The following FGF12 variants were observed in gnomAD, a reference collection of about 807,000 sequenced individuals.
The protein encoded by FGF12 is fibroblast growth factor 12B.
A neutral mutation model predicts 23.6 loss-of-function variants in FGF12; 14 were observed. That is an observed-to-expected ratio of 0.59 (90% CI 0.39 to 0.93). The LOEUF (loss-of-function observed/expected upper bound fraction) is 0.93. Ranked by LOEUF, FGF12 falls within the 40% of genes least tolerant of loss-of-function variation. The pLI is 0.00. For synonymous variants in FGF12, 62 were observed against 77.3 expected, an observed-to-expected ratio of 0.80 and a Z score of 1.04; for missense variants, 175 against 217.8, an observed-to-expected ratio of 0.80 and a Z score of 1.24.
chr3:192,554,074 C>T (rs1036369358), intron 2 of FGF12, among the ~76,000 whole-genome samples: 24 of 152,322 alleles, frequency 1.6e-4, no homozygotes, highest in African/African-American at 5.8e-4. Context: ...GGACTAGATT[C>T]TGTCTTGCCT....
At chr3:192,158,637 TTCCC>T (rs199984520) in intron 5 of FGF12, among the ~76,000 whole-genome samples, 2 of 8,468 alleles carry the variant, frequency 2.4e-4, no homozygotes, top group African/African-American at 4.6e-4. Context: ...TCTCTGTTTT[TTCCC>T]TCCCTCCCTC....
chr3:192,472,291 C>T (rs1039844516), intron 2 of FGF12, among the ~76,000 whole-genome samples: 3 of 152,180 alleles, frequency 2.0e-5, no homozygotes, highest in Non-Finnish European at 4.4e-5. Context: ...ACTGGGATTA[C>T]AGGCATAAGC....
chr3:192,537,950 C>CTTGTTTTTTTTTTTTTTTT (rs1725267794), intron 2 of FGF12, among the ~76,000 whole-genome samples: 2 of 121,374 alleles, frequency 1.6e-5, no homozygotes, highest in Admixed American at 8.6e-5. Context: ...AGCCTTTAAC[C>CTTGTTTTTTTTTTTTTTTT]TTTTTTTTTT....
chr3:192,331,545 A>G (rs1381779164), intron 4 of FGF12, among the ~76,000 whole-genome samples: 1 of 152,114 alleles, frequency 6.6e-6, no homozygotes, highest in African/African-American at 2.4e-5. Flanking sequence ...ATTCTACAAC[A>G]CAGATGAATG....
intron 2 of FGF12, among the ~76,000 whole-genome samples, chr3:192,616,270 G>T (rs1714751563): frequency 6.6e-6 from 1 of 151,896 alleles, no homozygotes; most frequent in African/African-American, 2.4e-5. Context: ...ATTTTTATTT[G>T]TTTAACTAAA....
intron 2 of FGF12, among the ~76,000 whole-genome samples, chr3:192,400,567 C>G (rs755253013): frequency 6.6e-6 from 1 of 152,212 alleles, no homozygotes; most frequent in Middle Eastern, 3.4e-3. Context: ...TGGGGTTTCA[C>G]CATGTTGGCC....
intron 2 of FGF12, among the ~76,000 whole-genome samples, chr3:192,601,512 C>T (rs551207419): frequency 3.3e-5 from 5 of 151,974 alleles, no homozygotes; most frequent in Non-Finnish European, 7.4e-5. Context: ...TGATCATATA[C>T]ATTACATGTA....
At chr3:192,255,850 T>C (rs1712351697) in intron 4 of FGF12, among the ~76,000 whole-genome samples, 1 of 152,010 alleles carries the variant, frequency 6.6e-6, no homozygotes, top group South Asian at 2.1e-4. Flanking sequence ...CCAGTAGCCA[T>C]TAATGTCTTT....
intron 4 of FGF12, among the ~76,000 whole-genome samples, chr3:192,328,282 T>C (rs1168645638): frequency 1.3e-5 from 2 of 152,218 alleles, no homozygotes; most frequent in Non-Finnish European, 2.9e-5. Flanking sequence ...AATAACACTA[T>C]GATTTAGGGT....
At chr3:192,708,357 T>C (rs1718551923) in intron 2 of FGF12, among the ~76,000 whole-genome samples, 2 of 152,210 alleles carry the variant, frequency 1.3e-5, no homozygotes, top group South Asian at 2.1e-4. Flanking sequence ...GTGTGTTACA[T>C]GTACATCATC....
intron 2 of FGF12, among the ~76,000 whole-genome samples, chr3:192,682,205 G>A (rs1717553731): frequency 6.6e-6 from 1 of 152,126 alleles, no homozygotes; most frequent in Non-Finnish European, 1.5e-5. Flanking sequence ...CCATATGGCA[G>A]CCCTGGTACA....
At chr3:192,232,619 G>T (rs1719082143) in intron 4 of FGF12, among the ~76,000 whole-genome samples, 1 of 151,832 alleles carries the variant, frequency 6.6e-6, no homozygotes, top group Admixed American at 6.6e-5. Context: ...GCACATCACT[G>T]GGGTTTGGTG....
chr3:192,612,291 T>G (rs1243741669), intron 2 of FGF12, among the ~76,000 whole-genome samples: 4 of 152,008 alleles, frequency 2.6e-5, no homozygotes, highest in Non-Finnish European at 5.9e-5. Context: ...TTTTTGCACT[T>G]CTTAATTGAC....
intron 4 of FGF12, among the ~76,000 whole-genome samples, chr3:192,173,982 C>G (rs1211577250): frequency 2.0e-5 from 3 of 152,192 alleles, no homozygotes; most frequent in Non-Finnish European, 4.4e-5. Context: ...AAGCTAGCGG[C>G]AGATCCAGAC....
At chr3:192,322,790 T>A (rs1332756202) in intron 4 of FGF12, among the ~76,000 whole-genome samples, 3 of 152,030 alleles carry the variant, frequency 2.0e-5, no homozygotes, top group Admixed American at 2.0e-4. Flanking sequence ...AAACTGGATA[T>A]CCACATGCAG....
chr3:192,266,514 ACTGT>A (rs1271421279), intron 4 of FGF12, among the ~76,000 whole-genome samples: 1 of 152,070 alleles, frequency 6.6e-6, no homozygotes, highest in Non-Finnish European at 1.5e-5. Context: ...CAAATATTAG[ACTGT>A]CTAATTTATA....
At chr3:192,187,448 T>C (rs1716535167) in intron 4 of FGF12, among the ~76,000 whole-genome samples, 2 of 152,190 alleles carry the variant, frequency 1.3e-5, no homozygotes, top group Non-Finnish European at 2.9e-5. Flanking sequence ...TAATGTGAAG[T>C]TGACCAAACA....
intron 2 of FGF12, among the ~76,000 whole-genome samples, chr3:192,598,426 T>C (rs1713958172): frequency 6.6e-6 from 1 of 152,176 alleles, no homozygotes; most frequent in African/African-American, 2.4e-5. Flanking sequence ...GTATTAGTGC[T>C]AGCAAGTGTG....
intron 2 of FGF12, among the ~76,000 whole-genome samples, chr3:192,400,889 C>T (rs1348751327): frequency 6.6e-6 from 1 of 152,142 alleles, no homozygotes; most frequent in African/African-American, 2.4e-5. Context: ...ATATCCATGG[C>T]CATCAACTTC....
Sources: gnomAD v4.1 joint callset for allele counts (sites outside exome capture counted in the v4.1 genomes callset) on GRCh38, gnomAD v4.1.1 for gene constraint, MANE v1.5 for transcripts, NCBI Gene and HGNC (gene_info 2026-07-23, HGNC 2026-07-21) for gene names.